Variants in DLG1 observed in about 807,000 individuals in gnomAD.
DLG1 encodes disks large homolog 1.
In DLG1, 42 loss-of-function variants were observed where a neutral mutation model predicts 123.4. The observed-to-expected ratio is 0.34, with a 90% confidence interval of 0.27 to 0.44. The LOEUF is 0.44. Among genes scored for constraint, DLG1 ranks in the 20% least tolerant of loss-of-function variants. The pLI is 1.00. For synonymous variants in DLG1, 317 were observed against 356.2 expected, an observed-to-expected ratio of 0.89 and a Z score of 1.24; for missense variants, 942 against 1,082.6, an observed-to-expected ratio of 0.87 and a Z score of 1.82.
In DLG1 at chr3:197,297,741, G is replaced by A. The variant is rs147961843; in HGVS notation, c.-31-506C>T. The A allele has an allele frequency of 6.1e-6, 6 of 986,208 alleles. No homozygotes were observed. The African/African-American group carries it at 8.7e-5, about 14-fold the overall frequency. 61.1% of individuals were successfully genotyped at this position (986,208 alleles called of 1,614,324 possible). Reference sequence around the variant, plus strand: ...GGACAGGGCAGCGGCCGCTCTCCGCGACGCCCTCGCGCCCCGCATGCACAC... The same window carrying A: ...GGACAGGGCAGCGGCCGCTCTCCGCAACGCCCTCGCGCCCCGCATGCACAC... On this transcript the variant is annotated intron_variant, in intron 1 of 24. Coordinates refer to ENST00000667157, the MANE Select transcript of DLG1 (RefSeq NM_001366207.1).
chr3:197,053,697 G>A (rs917856746), intron 23 of DLG1, among the ~76,000 whole-genome samples: 6 of 151,310 alleles, frequency 4.0e-5, no homozygotes, highest in Admixed American at 2.6e-4. Context: ...ACTTGAACCC[G>A]GGAGGCAGAG....
chr3:197,198,437 A>G (rs892755225), intron 4 of DLG1, among the ~76,000 whole-genome samples: 1 of 149,856 alleles, frequency 6.7e-6, no homozygotes, highest in Non-Finnish European at 1.5e-5. Context: ...CAGTGAGTCG[A>G]GACCAGGCCA....
At chr3:197,152,694 T>C (rs1447869798) in intron 5 of DLG1, among the ~76,000 whole-genome samples, 1 of 130,408 alleles carries the variant, frequency 7.7e-6, no homozygotes, top group Non-Finnish European at 1.5e-5. Context: ...ACCCAGGAGG[T>C]GGAGCTTGCA....
Position 197,293,333 on chromosome 3 carries a change from A to C in DLG1, c.151+3013T>G, listed in dbSNP as rs1741947. On this transcript the variant is annotated intron_variant, in intron 3 of 24. Coordinates refer to ENST00000667157, the MANE Select transcript of DLG1 (RefSeq NM_001366207.1). ...TAGTAAAAACTTTTCTGCTTTCAAT[A>C]ATTTTTAAATCTTTAAGCCATCCTT... Among the ~76,000 whole-genome samples, 3 of 151,380 alleles carry C rather than the reference A, an allele frequency of 2.0e-5. No individual in the cohort carries two copies. In the East Asian group the frequency reaches 5.8e-4, roughly 29 times the overall value.
intron 4 of DLG1, among the ~76,000 whole-genome samples, chr3:197,224,606 C>G (rs1738822368): frequency 6.6e-6 from 1 of 152,134 alleles, no homozygotes. Flanking sequence ...CTGTTTCTAT[C>G]AGCAGCATAC....
At chr3:197,247,662 T>C (rs970425579) in intron 4 of DLG1, among the ~76,000 whole-genome samples, 1 of 152,268 alleles carries the variant, frequency 6.6e-6, no homozygotes, top group African/African-American at 2.4e-5. Context: ...GAAACAACAA[T>C]ATTTTATCAT....
intron 14 of DLG1, among the ~76,000 whole-genome samples, chr3:197,096,345 T>G (rs1760633217): frequency 6.6e-6 from 1 of 152,224 alleles, no homozygotes; most frequent in Non-Finnish European, 1.5e-5. Flanking sequence ...CAATCTGAAT[T>G]TGAACAGCCA....
intron 5 of DLG1, among the ~76,000 whole-genome samples, chr3:197,179,365 A>G (rs1808879609): frequency 6.6e-6 from 1 of 152,166 alleles, no homozygotes; most frequent in African/African-American, 2.4e-5. Flanking sequence ...GAAAGGTCAA[A>G]AAACTGGTAG....
chr3:197,291,633 C>T (rs1008431856), intron 3 of DLG1, among the ~76,000 whole-genome samples: 4 of 152,110 alleles, frequency 2.6e-5, no homozygotes, highest in African/African-American at 9.7e-5. Context: ...TGAAAAACAA[C>T]GATAAAGAAT....
intron 4 of DLG1, among the ~76,000 whole-genome samples, chr3:197,270,636 C>T (rs796615481): frequency 2.2e-4 from 33 of 152,312 alleles, no homozygotes; most frequent in African/African-American, 7.5e-4. Flanking sequence ...GGGAAACTGA[C>T]TCACTACAAG....
intron 3 of DLG1, among the ~76,000 whole-genome samples, chr3:197,284,337 T>C (rs1770795988): frequency 6.6e-6 from 1 of 151,988 alleles, no homozygotes; most frequent in African/African-American, 2.4e-5. Context: ...CACACACACA[T>C]CACACTATGT....
intron 11 of DLG1, among the ~76,000 whole-genome samples, chr3:197,126,230 C>T (rs1779012494): frequency 6.6e-6 from 1 of 152,018 alleles, no homozygotes; most frequent in Non-Finnish European, 1.5e-5. Flanking sequence ...AATCCCAGCG[C>T]TTTGGGAGGC....
In DLG1 at chr3:197,245,906, G is replaced by GGC. The variant is rs1561660204; in HGVS notation, c.318+36772_318+36773insGC. 2.1e-5 allele frequency among the ~76,000 whole-genome samples: 3 copies of GGC among 141,606 alleles called. 1 individual carries two copies. The highest frequency in any genetic ancestry group is 7.8e-5 in the African/African-American group (3 of 38,464). The allele number at this position is 141,606 out of a possible 152,430, so 92.9% of individuals were successfully genotyped here. On this transcript the variant is annotated intron_variant, in intron 4 of 24. Coordinates refer to ENST00000667157, the MANE Select transcript of DLG1 (RefSeq NM_001366207.1). ...GACAATACTTTTTTTTTTTTGGGGGGGGGGGAGGTGGCAAATGAAGGTTAT... is the reference window on the plus strand; with the variant it reads ...GACAATACTTTTTTTTTTTTGGGGGGGCGGGGGAGGTGGCAAATGAAGGTTAT...
At chr3:197,066,645 C>A in intron 20 of DLG1, 59 bp downstream of exon 20, 1 of 1,343,598 alleles carries the variant, frequency 7.4e-7, no homozygotes, top group South Asian at 1.5e-5. Context: ...ATTTTTTTCC[C>A]CCAAATTAAA....
At chr3:197,092,532 G>A (rs1214682351) in intron 14 of DLG1, among the ~76,000 whole-genome samples, 1 of 152,122 alleles carries the variant, frequency 6.6e-6, no homozygotes, top group East Asian at 1.9e-4. Flanking sequence ...ACAGGGTCCT[G>A]CCCTGTTGCC....
rs540134585 is a variant in DLG1, at chr3:197,156,769, CA to C, written c.484-6974del. Among the ~76,000 whole-genome samples the C allele has an allele frequency of 2.4e-4, 36 of 152,196 alleles. No homozygotes were observed. The East Asian group carries it at 6.8e-3, about 29-fold the overall frequency. Reference sequence around the variant, plus strand: ...AATGTAACAATTACAAAAATTAACGCACCTAATAGCAGACCATCAAAATGTT... The same window carrying C: ...AATGTAACAATTACAAAAATTAACGCCCTAATAGCAGACCATCAAAATGTT... On this transcript the variant is annotated intron_variant, in intron 5 of 24. Transcript: ENST00000667157.
intron 4 of DLG1, among the ~76,000 whole-genome samples, chr3:197,216,117 G>A (rs1733990984): frequency 1.3e-5 from 2 of 152,008 alleles, no homozygotes; most frequent in Non-Finnish European, 2.9e-5. Flanking sequence ...TTCCAATATT[G>A]TTACTCTTTC....
intron 13 of DLG1, among the ~76,000 whole-genome samples, chr3:197,109,620 G>A (rs9863380): frequency 0.19 from 28,539 of 152,122 alleles, 3,235 homozygotes; most frequent in African/African-American, 0.31. Context: ...GTGGATTTGA[G>A]TTACTCTCTA....
chr3:197,198,668 T>C (rs574567733), intron 4 of DLG1, among the ~76,000 whole-genome samples: 1 of 152,116 alleles, frequency 6.6e-6, no homozygotes, highest in East Asian at 1.9e-4. Flanking sequence ...AATAAGCACA[T>C]GGAAAGATGT....
Sources: allele counts gnomAD v4.1 joint callset (sites outside exome capture counted in the v4.1 genomes callset), GRCh38; gene constraint gnomAD v4.1.1; transcripts MANE v1.5; gene names NCBI Gene and HGNC (gene_info 2026-07-23, HGNC 2026-07-21).